Variants in FBXL17 observed in about 807,000 individuals in gnomAD.
The protein encoded by FBXL17 is F-box and leucine rich repeat protein 17.
A neutral mutation model predicts 66.2 loss-of-function variants in FBXL17; 22 were observed. That is an observed-to-expected ratio of 0.33 (90% confidence interval 0.24 to 0.47). FBXL17 has a LOEUF of 0.47. Among genes scored for constraint, FBXL17 ranks in the 20% least tolerant of loss-of-function variants. The pLI is 1.00. For synonymous variants in FBXL17, 474 were observed against 400.5 expected, an observed-to-expected ratio of 1.18 and a Z score of -2.19; for missense variants, 878 against 948.2, an observed-to-expected ratio of 0.93 and a Z score of 0.97.
At chr5:108,200,290 G>A (rs1753838316) in intron 5 of FBXL17, among the ~76,000 whole-genome samples, 1 of 151,802 alleles carries the variant, frequency 6.6e-6, no homozygotes, top group Admixed American at 6.6e-5. Flanking sequence ...ATAGAGAAGA[G>A]CATGCTTAGA....
intron 7 of FBXL17, among the ~76,000 whole-genome samples, chr5:107,951,821 A>C (rs1393746451): frequency 6.6e-6 from 1 of 152,224 alleles, no homozygotes; most frequent in Non-Finnish European, 1.5e-5. Flanking sequence ...TGCATCAAAT[A>C]CATTTTCATA....
At chr5:108,121,800 G>T (rs1185610956) in intron 6 of FBXL17, among the ~76,000 whole-genome samples, 1 of 152,100 alleles carries the variant, frequency 6.6e-6, no homozygotes, top group Non-Finnish European at 1.5e-5. Flanking sequence ...CTCGTGATCC[G>T]CCTGCCTTGG....
At chr5:108,370,638 G>A (rs148488566) in intron 1 of FBXL17, among the ~76,000 whole-genome samples, 2,481 of 152,102 alleles carry the variant, frequency 0.016, 75 homozygotes, top group African/African-American at 0.056. Flanking sequence ...AGTTACTCAG[G>A]AGGCTGAGGC....
chr5:108,248,436 A>T (rs1165736513), intron 4 of FBXL17, among the ~76,000 whole-genome samples: 1 of 152,138 alleles, frequency 6.6e-6, no homozygotes, highest in Non-Finnish European at 1.5e-5. Flanking sequence ...GAAATAAAAG[A>T]ACATAACCTT....
chr5:108,125,025 G>A (rs374294032), intron 6 of FBXL17, among the ~76,000 whole-genome samples: 5 of 151,882 alleles, frequency 3.3e-5, no homozygotes, highest in East Asian at 3.8e-4. Flanking sequence ...CTAACTAGTT[G>A]TTCAAGGAAA....
intron 7 of FBXL17, among the ~76,000 whole-genome samples, chr5:107,900,020 T>G (rs1263611565): frequency 1.3e-5 from 2 of 152,206 alleles, no homozygotes; most frequent in African/African-American, 4.8e-5. Flanking sequence ...ATTTGAATCT[T>G]TCCTTTATAA....
intron 7 of FBXL17, among the ~76,000 whole-genome samples, chr5:107,925,563 A>T (rs1216341676): frequency 3.3e-5 from 5 of 152,236 alleles, no homozygotes; most frequent in Non-Finnish European, 5.9e-5. Flanking sequence ...GCCCAAGAGC[A>T]GCCCCTGGCC....
At chr5:107,918,752 T>A (rs971761599) in intron 7 of FBXL17, among the ~76,000 whole-genome samples, 13 of 152,242 alleles carry the variant, frequency 8.5e-5, no homozygotes, top group Non-Finnish European at 1.8e-4. Flanking sequence ...AGTGCTTTCA[T>A]GAGACTTTAA....
At chr5:108,055,298 A>G (rs1194343427) in intron 6 of FBXL17, among the ~76,000 whole-genome samples, 1 of 32,190 alleles carries the variant, frequency 3.1e-5, no homozygotes, top group Non-Finnish European at 5.8e-5. Flanking sequence ...AAAAAAAAAA[A>G]AAAAAAAAAA....
intron 6 of FBXL17, among the ~76,000 whole-genome samples, chr5:108,161,161 G>GATAGATACATACATACATACATACATAC (rs376656671): frequency 1.3e-5 from 2 of 149,202 alleles, no homozygotes; most frequent in African/African-American, 5.0e-5. Context: ...TCAACAAATA[G>GATAGATACATACATACATACATACATAC]ATACATACAT....
intron 7 of FBXL17, among the ~76,000 whole-genome samples, chr5:107,938,074 C>T (rs1580729091): frequency 6.6e-6 from 1 of 152,242 alleles, no homozygotes; most frequent in Middle Eastern, 3.4e-3. Context: ...GCACAAACAT[C>T]AGAATCCCAG....
chr5:108,036,098 AC>A (rs1746830834), intron 6 of FBXL17, among the ~76,000 whole-genome samples: 1 of 152,194 alleles, frequency 6.6e-6, no homozygotes. Context: ...CCGTACTGGC[AC>A]CAGTCTATTT....
At position 108,353,107 on chromosome 5, in the gene FBXL17, G is replaced by T. The variant is rs6875707; in HGVS notation, c.1375-4577C>A. ...CTGTAATGCTTGCTTTAAAAGAAAA[G>T]ATTTCTGGTTTTCAGTCTGGCATGT... On this transcript the variant is annotated intron_variant, in intron 3 of 8. Coordinates refer to ENST00000542267, the MANE Select transcript of FBXL17 (RefSeq NM_001163315.3). 9.0e-3 allele frequency among the ~76,000 whole-genome samples: 1,365 copies of T among 152,284 alleles called. 20 individuals carry two copies. The highest frequency in any genetic ancestry group is 0.03 in the African/African-American group (1,239 of 41,558).
At chr5:108,359,159 G>A (rs1486939031) in intron 3 of FBXL17, among the ~76,000 whole-genome samples, 1 of 152,044 alleles carries the variant, frequency 6.6e-6, no homozygotes, top group Non-Finnish European at 1.5e-5. Flanking sequence ...CAGTAGTAAT[G>A]TCTACTCTTT....
At chr5:107,881,549 A>AT (rs561728463) in intron 7 of FBXL17, among the ~76,000 whole-genome samples, 2 of 151,752 alleles carry the variant, frequency 1.3e-5, no homozygotes, top group African/African-American at 4.8e-5. Context: ...GATAACTTTA[A>AT]TTTTTTTTTA....
chr5:107,863,855 A>T (rs557645393), intron 8 of FBXL17, among the ~76,000 whole-genome samples: 112 of 152,258 alleles, frequency 7.4e-4, no homozygotes, highest in African/African-American at 2.3e-3. Context: ...AACCCAACCC[A>T]GAAGGTTGAG....
intron 7 of FBXL17, among the ~76,000 whole-genome samples, chr5:107,980,665 T>TATATATATATATA (rs1363335386): frequency 1.3e-4 from 10 of 79,056 alleles, no homozygotes; most frequent in African/African-American, 1.8e-4. Flanking sequence ...TATATATATA[T>TATATATATATATA]TTTTTTTTTG....
intron 1 of FBXL17, among the ~76,000 whole-genome samples, chr5:108,378,672 T>C (rs548787719): frequency 6.6e-6 from 1 of 152,176 alleles, no homozygotes; most frequent in Admixed American, 6.5e-5. Flanking sequence ...TCCTTAGAAA[T>C]ATCTCTTCGT....
At chr5:108,037,310 G>C (rs1452870986) in intron 6 of FBXL17, among the ~76,000 whole-genome samples, 1 of 152,074 alleles carries the variant, frequency 6.6e-6, no homozygotes, top group Non-Finnish European at 1.5e-5. Context: ...ATTTACCTAA[G>C]GGAGGTAAAT....
Sources: allele counts gnomAD v4.1 joint callset (sites outside exome capture counted in the v4.1 genomes callset), GRCh38; gene constraint gnomAD v4.1.1; transcripts MANE v1.5; gene names NCBI Gene and HGNC (gene_info 2026-07-23, HGNC 2026-07-21).